SPATA22: variants seen among roughly 807,000 people sequenced by gnomAD.
SPATA22 encodes spermatogenesis associated 22.
A neutral mutation model predicts 47.8 loss-of-function variants in SPATA22; 29 were observed. The ratio of observed to expected loss-of-function variants is 0.61; its 90% CI spans 0.45 to 0.83. The LOEUF is 0.83. Among genes scored for constraint, SPATA22 ranks in the 40% least tolerant of loss-of-function variants. SPATA22 has a pLI of 0.00. For synonymous variants in SPATA22, 133 were observed against 140.9 expected (o/e 0.94, Z 0.40); for missense variants, 410 against 421.7 (o/e 0.97, Z 0.24).
intron 1 of SPATA22, chr17:3,501,319 C>T (rs1221682903): frequency 6.6e-6 from 1 of 152,150 alleles, no homozygotes; most frequent in East Asian, 1.9e-4. Context: ...GGGAGGAGAT[C>T]AAAATATCAA....
chr17:3,460,203 G>A (rs936741546), intron 5 of SPATA22, among the ~76,000 whole-genome samples: 3 of 151,964 alleles, frequency 2.0e-5, no homozygotes, highest in African/African-American at 7.3e-5. Flanking sequence ...TATATATTGA[G>A]CACTGAAGGA....
intron 1 of SPATA22, chr17:3,494,200 C>T (rs2073872625): frequency 1.6e-6 from 1 of 639,086 alleles, no homozygotes; most frequent in Non-Finnish European, 2.9e-6. Flanking sequence ...AGATGGGGTT[C>T]ACCATGTTGG....
At chr17:3,449,594 A>G (rs1176818230) in intron 5 of SPATA22, among the ~76,000 whole-genome samples, 1 of 152,244 alleles carries the variant, frequency 6.6e-6, no homozygotes, top group East Asian at 1.9e-4. Context: ...GTGGCTTAGC[A>G]ATGATTTTAA....
At chr17:3,476,044 G>A (rs2073516358), upstream of SPATA22, 18 of 954,816 alleles carry the variant, frequency 1.9e-5, no homozygotes, top group Admixed American at 3.4e-4. Context: ...AGGGAATTCT[G>A]TACTTTGCCC....
In SPATA22 at chr17:3,449,283, C is replaced by A. The variant is rs2072803446; in HGVS notation, c.330-134G>T. ...TTTATAACTAACTACTGAGAAATTCCAAATACATCACAACAACCCTACAAT... is the reference window on the plus strand; with the variant it reads ...TTTATAACTAACTACTGAGAAATTCAAAATACATCACAACAACCCTACAAT... On this transcript the variant is annotated intron_variant, in intron 5 of 8. Transcript: ENST00000572969. 6.4e-6 allele frequency: 4 copies of A among 625,920 alleles called. No individual in the cohort carries two copies. The Admixed American group carries it at 9.7e-5, about 15-fold the overall frequency. The allele number at this position is 625,920 out of a possible 1,614,324, so 38.8% of individuals were successfully genotyped here.
In SPATA22 at chr17:3,505,344, C is replaced by T. The variant is rs116582885; in HGVS notation, c.-74+8068G>A. 3.1e-3 allele frequency among the ~76,000 whole-genome samples: 469 copies of T among 152,316 alleles called. 5 individuals carry two copies. Among genetic ancestry groups the T allele is most frequent in the African/African-American group, 0.011 (454 of 41,570 alleles). On this transcript the variant is annotated intron_variant, in intron 1 of 8. Transcript: ENST00000541913. Reference sequence around the variant, plus strand: ...GGATAGCATTTGTCTTATTCTTTGTCGTACACACAGCACTTCACGCATAGA... The same window carrying T: ...GGATAGCATTTGTCTTATTCTTTGTTGTACACACAGCACTTCACGCATAGA...
chr17:3,495,217 C>A (rs1447480264), intron 1 of SPATA22, among the ~76,000 whole-genome samples: 5 of 152,178 alleles, frequency 3.3e-5, no homozygotes, highest in African/African-American at 9.7e-5. Context: ...CCTGCACACT[C>A]CCAGACCTCA....
At chr17:3,493,194 T>C (rs1352192997) in intron 1 of SPATA22, among the ~76,000 whole-genome samples, 1 of 152,140 alleles carries the variant, frequency 6.6e-6, no homozygotes, top group Non-Finnish European at 1.5e-5. Flanking sequence ...TGGAAGTTGG[T>C]CTCCACCACT....
Position 3,440,258 on chromosome 17 carries a change from T to C in SPATA22, c.981A>G (p.Gln327=). Residue 327 remains glutamine (Q), a synonymous_variant, in exon 9 of 9, where the codon CAA becomes CAG. Coordinates refer to ENST00000572969, the MANE Select transcript of SPATA22 (RefSeq NM_001170698.2). ...GNYDQKKNIF[Q]CVSVRPASVS... ...CAGACGCCGGTCTGACAGAAACACA[T>C]TGGAAAATGTTCTTTTTCTGGTCAT... 6.2e-7 allele frequency: 1 copy of C among 1,611,530 alleles called. No homozygotes were observed. The highest frequency in any genetic ancestry group is 8.5e-7 in the Non-Finnish European group (1 of 1,178,528).
upstream of SPATA22, chr17:3,476,310 T>C (rs754214996): frequency 1.2e-6 from 2 of 1,614,148 alleles, no homozygotes; most frequent in Non-Finnish European, 1.7e-6. Context: ...GGTAAAACCA[T>C]TTATTACTAA....
intron 1 of SPATA22, among the ~76,000 whole-genome samples, chr17:3,477,955 G>A (rs2073556675): frequency 6.6e-6 from 1 of 151,750 alleles, no homozygotes; most frequent in South Asian, 2.1e-4. Context: ...GGCTGAGGCA[G>A]GCAGATCATG....
Position 3,440,201 on chromosome 17 carries a change from G to C in SPATA22, c.1038C>G (p.Val346=). The C allele has an allele frequency of 6.2e-7, 1 of 1,609,150 alleles. No homozygotes were observed. Among genetic ancestry groups the C allele is most frequent in the Non-Finnish European group, 8.5e-7 (1 of 1,177,932 alleles). ...ACTGCATCTCAACATCTGCAATTTT[G>C]ACAAATGCCTGGAAAGTTTTTTGTT... The part of the protein sequence containing the change: ...VSEQKTFQAF[V]KIADVEMQYY... Residue 346 remains valine (V), a synonymous_variant, in exon 9 of 9, where the codon GTC becomes GTG. Transcript: ENST00000572969.
chr17:3,511,833 C>T (rs2074117601), intron 1 of SPATA22: 1 of 152,188 alleles, frequency 6.6e-6, no homozygotes. Context: ...CGGCTTTATC[C>T]ATTAATGGAT....
At chr17:3,450,490 C>T (rs1055716768) in intron 5 of SPATA22, among the ~76,000 whole-genome samples, 1 of 152,126 alleles carries the variant, frequency 6.6e-6, no homozygotes, top group Non-Finnish European at 1.5e-5. Context: ...TTTTTTCCTA[C>T]ACTGATCACT....
chr17:3,465,978 G>A (rs1347238293), intron 3 of SPATA22, among the ~76,000 whole-genome samples: 1 of 151,452 alleles, frequency 6.6e-6, no homozygotes, highest in African/African-American at 2.4e-5. Context: ...TTTAAATGAC[G>A]GAATGTTTTT....
intron 1 of SPATA22, chr17:3,483,597 G>GT: frequency 6.2e-7 from 1 of 1,602,788 alleles, no homozygotes; most frequent in Non-Finnish European, 8.5e-7. Flanking sequence ...CTGTGGGTAA[G>GT]TCATAGTTCC....
At position 3,484,674 on chromosome 17, in the gene SPATA22, G is replaced by A. The variant is rs58879097; in HGVS notation, c.-73-15276C>T. On this transcript the variant is annotated intron_variant, in intron 1 of 8. Transcript: ENST00000541913. The stretch of plus-strand genomic sequence containing the variant: ...TTTAAAAATGGATTTCTAGAAAAAC[G>A]ATCACATACTTGAATATTTTAGCAA... Among the ~76,000 whole-genome samples, 552 of 152,238 alleles carry A rather than the reference G, an allele frequency of 3.6e-3. 5 individuals are homozygous for A. The highest frequency in any genetic ancestry group is 0.012 in the African/African-American group (503 of 41,538).
intron 1 of SPATA22, among the ~76,000 whole-genome samples, chr17:3,504,487 A>C (rs2074022581): frequency 1.3e-4 from 19 of 151,734 alleles, no homozygotes; most frequent in Admixed American, 1.2e-3. Flanking sequence ...CCCAAAGGAC[A>C]GTGGAAGGAA....
intron 1 of SPATA22, among the ~76,000 whole-genome samples, chr17:3,480,029 G>A (rs2073599942): frequency 8.7e-6 from 1 of 114,756 alleles, no homozygotes; most frequent in African/African-American, 3.1e-5. Context: ...GCAAACTTGT[G>A]GCCTTTTTGG....
Sources: allele counts gnomAD v4.1 joint callset (sites outside exome capture counted in the v4.1 genomes callset), GRCh38; gene constraint gnomAD v4.1.1; transcripts MANE v1.5; gene names NCBI Gene and HGNC (gene_info 2026-07-23, HGNC 2026-07-21).